SCAP: variants seen among roughly 807,000 people sequenced by gnomAD.
SCAP encodes the protein sterol regulatory element-binding protein cleavage-activating protein.
Under a neutral mutation model 123.6 loss-of-function variants are expected in SCAP, and 65 were observed. That is an observed-to-expected ratio of 0.53 (90% CI 0.43 to 0.65). SCAP has a LOEUF of 0.65. SCAP is among the 30% of genes least tolerant of loss of function. SCAP has a pLI of 0.00. For synonymous variants in SCAP, 740 were observed against 726.3 expected, an observed-to-expected ratio of 1.02 and a Z score of -0.30; for missense variants, 1,398 against 1,712.5, an observed-to-expected ratio of 0.82 and a Z score of 3.24.
chr3:47,454,138 C>T (rs1255905573), intron 1 of SCAP, among the ~76,000 whole-genome samples: 2 of 152,022 alleles, frequency 1.3e-5, no homozygotes, highest in Non-Finnish European at 2.9e-5. Context: ...GTGGCCGAGG[C>T]GGGCGGATCA....
chr3:47,472,316 C>T (rs1708055725), intron 1 of SCAP, among the ~76,000 whole-genome samples: 1 of 150,844 alleles, frequency 6.6e-6, no homozygotes, highest in African/African-American at 2.4e-5. Flanking sequence ...CGCCTGTAGT[C>T]CCAGCTACTC....
rs996363413 is a variant in SCAP, at chr3:47,442,808, G to C, written c.122+64C>G. 5 of 1,468,716 alleles carry C rather than the reference G, an allele frequency of 3.4e-6. No homozygotes were observed. In the African/African-American group the frequency reaches 5.6e-5, roughly 16 times the overall value. 91.0% of individuals were successfully genotyped at this position (1,468,716 alleles called of 1,614,324 possible). On this transcript the variant is annotated intron_variant, in intron 2 of 22. Coordinates refer to ENST00000265565, the MANE Select transcript of SCAP (RefSeq NM_012235.4). Reference sequence around the variant, plus strand: ...GAGGCCAAGGGCTCCATAGTGGTTAGGGTTAGAAAACCTACTGTCCTAAGA... The same window carrying C: ...GAGGCCAAGGGCTCCATAGTGGTTACGGTTAGAAAACCTACTGTCCTAAGA...
chr3:47,423,796 C>T, intron 9 of SCAP, 137 bp downstream of exon 9: 1 of 664,512 alleles, frequency 1.5e-6, no homozygotes, highest in Non-Finnish European at 2.7e-6. Flanking sequence ...CCCAGTGGCC[C>T]ACTGCATATT....
At chr3:47,474,156 T>C (rs918315671) in intron 1 of SCAP, among the ~76,000 whole-genome samples, 3 of 151,862 alleles carry the variant, frequency 2.0e-5, no homozygotes, top group Non-Finnish European at 4.4e-5. Flanking sequence ...TCCCAGCTAC[T>C]TGGGAGGCTG....
At chr3:47,422,922 A>C (rs1180917837) in intron 9 of SCAP, 1 of 169,150 alleles carries the variant, frequency 5.9e-6, no homozygotes, top group Non-Finnish European at 1.2e-5. Flanking sequence ...CAGTGTGCCC[A>C]TCAACCACAT....
chr3:47,443,509 A>G (rs1289330006), intron 1 of SCAP, among the ~76,000 whole-genome samples: 1 of 152,106 alleles, frequency 6.6e-6, no homozygotes, highest in Non-Finnish European at 1.5e-5. Context: ...TTACATAGGG[A>G]TACAGAGAAA....
intron 13 of SCAP, 48 bp from the exon 14 acceptor site, chr3:47,418,891 C>T: frequency 6.9e-7 from 1 of 1,459,684 alleles, no homozygotes. Flanking sequence ...CCCAGGGCTT[C>T]CTCCTGCTGT....
chr3:47,452,812 C>T (rs1163619757), intron 1 of SCAP, among the ~76,000 whole-genome samples: 3 of 151,936 alleles, frequency 2.0e-5, no homozygotes, highest in Non-Finnish European at 4.4e-5. Context: ...GGGCAGGCAT[C>T]GTAGCTAACT....
chr3:47,423,168 C>T (rs1280645882), intron 9 of SCAP, among the ~76,000 whole-genome samples: 1 of 152,212 alleles, frequency 6.6e-6, no homozygotes, highest in Non-Finnish European at 1.5e-5. Flanking sequence ...CCCCATTCCT[C>T]ACAGACATGG....
At chr3:47,421,415 G>C (rs539478937) in intron 10 of SCAP, 1 of 215,626 alleles carries the variant, frequency 4.6e-6, no homozygotes, top group African/African-American at 2.3e-5. Flanking sequence ...AACCCAGCTA[G>C]AGCCCAGGCC....
intron 18 of SCAP, among the ~76,000 whole-genome samples, chr3:47,416,246 TCAC>T (rs1705565334): frequency 6.6e-6 from 1 of 152,212 alleles, no homozygotes; most frequent in African/African-American, 2.4e-5. Context: ...AGACCCAGGT[TCAC>T]CAGCTTGGAG....
intron 6 of SCAP, 90 bp downstream of exon 6, chr3:47,427,067 A>G (rs1706164558): frequency 6.7e-6 from 6 of 898,134 alleles, no homozygotes; most frequent in Non-Finnish European, 1.1e-5. Context: ...TCCAGGGGGC[A>G]TTCAGAACAC....
chr3:47,473,052 C>T (rs1357506682), intron 1 of SCAP, among the ~76,000 whole-genome samples: 1 of 97,338 alleles, frequency 1.0e-5, no homozygotes, highest in African/African-American at 3.8e-5. Context: ...TGCACTCCAG[C>T]CTGGGCAAGA....
At chr3:47,455,260 C>A (rs1707377339) in intron 1 of SCAP, among the ~76,000 whole-genome samples, 2 of 150,546 alleles carry the variant, frequency 1.3e-5, no homozygotes, top group African/African-American at 2.4e-5. Flanking sequence ...ATAACAAAAC[C>A]AAAAACTTGA....
chr3:47,445,453 G>A (rs1020646581), intron 1 of SCAP, among the ~76,000 whole-genome samples: 3 of 151,694 alleles, frequency 2.0e-5, no homozygotes, highest in Admixed American at 2.0e-4. Flanking sequence ...TCATCATGTT[G>A]GCCAGGCTGC....
intron 17 of SCAP, 38 bp downstream of exon 17, chr3:47,417,266 G>T: frequency 6.2e-7 from 1 of 1,611,826 alleles, no homozygotes. Flanking sequence ...TCCCCGGGGC[G>T]GACAGCCGCT....
Position 47,420,684 on chromosome 3 carries a change from A to G in SCAP, c.1433T>C (p.Leu478Pro). Reference protein sequence around the residue: ...VGQPTRYERQLAVRPSTPHTI... With the variant: ...VGQPTRYERQPAVRPSTPHTI... ...GTGGGGTGTGGACGGCCTCACAGCC[A>G]GCTGCCGCTCGTAGCGCGTTGGCTG... Residue 478 changes from leucine (L) to proline (P), a missense_variant, in exon 12 of 23, where the codon CTG becomes CCG. Around this residue, in one of 7 missense-constraint regions of SCAP, gnomAD observed 828 missense variants for 882.5 expected, o/e 0.94. Coordinates refer to ENST00000265565, the MANE Select transcript of SCAP (RefSeq NM_012235.4). This position sits in a 1 kb window ranked among gnomAD's most constrained non-coding sequence, Gnocchi z 5.0. 6.2e-7 allele frequency: 1 copy of G among 1,611,578 alleles called. No individual in the cohort carries two copies. Among genetic ancestry groups the G allele is most frequent in the East Asian group, 2.2e-5 (1 of 44,890 alleles).
chr3:47,469,860 G>C, intron 1 of SCAP: 3 of 569,076 alleles, frequency 5.3e-6, no homozygotes, highest in South Asian at 4.3e-5. Context: ...ATAGTGCAAA[G>C]AGAGCTCTCA....
chr3:47,428,576 C>T lies in SCAP; in HGVS notation c.347G>A (p.Arg116His), dbSNP rs540829159. ...HKNLLAVDVF[R>H]SPLSRAFQLV... Reference sequence around the variant, plus strand: ...TTGGAATGCCCGGGACAAAGGTGAACGAAATACATCTACTGCCAGGAGGTT... The same window carrying T: ...TTGGAATGCCCGGGACAAAGGTGAATGAAATACATCTACTGCCAGGAGGTT... The change falls in exon 4 of 23, where the codon CGT becomes CAT. Residue 116 changes from arginine to histidine, a missense_variant. This residue lies in a region of SCAP where 319 missense variants were observed against 432.4 expected (regional missense o/e 0.74). Transcript: ENST00000265565. 21 of 1,614,140 alleles carry T rather than the reference C, an allele frequency of 1.3e-5. No individual in the cohort carries two copies. In the Admixed American group the frequency reaches 2.7e-4, roughly 20 times the overall value.
Sources: allele counts gnomAD v4.1 joint callset (sites outside exome capture counted in the v4.1 genomes callset), GRCh38; gene constraint gnomAD v4.1.1; regional missense constraint gnomAD v4.1.1; non-coding constraint Gnocchi (gnomAD v3.1); transcripts MANE v1.5; gene names NCBI Gene and HGNC (gene_info 2026-07-23, HGNC 2026-07-21).